Variants in PDE8B observed in about 807,000 individuals in gnomAD.
The protein encoded by PDE8B is high affinity cAMP-specific and IBMX-insensitive 3',5'-cyclic phosphodiesterase 8B.
Under a neutral mutation model 101.3 loss-of-function variants are expected in PDE8B, and 26 were observed. The observed-to-expected ratio is 0.26, with a 90% CI of 0.19 to 0.36. PDE8B has a LOEUF of 0.36. Ranked by LOEUF, PDE8B falls within the 10% of genes least tolerant of loss-of-function variation. PDE8B has a pLI of 1.00. For synonymous variants in PDE8B, 424 were observed against 429.3 expected, an observed-to-expected ratio of 0.99 and a Z score of 0.15; for missense variants, 810 against 1,163.1, an observed-to-expected ratio of 0.70 and a Z score of 4.42.
chr5:77,425,619 CG>C (rs1581658226), intron 20 of PDE8B, 147 bp from the exon 21 acceptor site: 1 of 775,628 alleles, frequency 1.3e-6, no homozygotes, highest in South Asian at 1.4e-5. Flanking sequence ...AGCTGACTTA[CG>C]TAAGTCTGAG....
chr5:77,411,773 G>T lies in PDE8B; in HGVS notation c.1576+52G>T, dbSNP rs770980218. On this transcript the variant is annotated intron_variant, in intron 15 of 21. Transcript: ENST00000264917. ...GTGTAACCTGTCTCCAGCCTGTGCT[G>T]TCCCCGCTGTTGCGATTATTGTTCT... 3 of 1,350,016 alleles carry T rather than the reference G, an allele frequency of 2.2e-6. No homozygotes were observed. The African/African-American group carries it at 4.3e-5, about 19-fold the overall frequency. The allele number at this position is 1,350,016 out of a possible 1,614,324, so 83.6% of individuals were successfully genotyped here.
At chr5:77,088,120 G>T in the PDE8B span, 1 of 152,270 alleles carries the variant, frequency 6.6e-6, no homozygotes, top group Non-Finnish European at 1.5e-5. Flanking sequence ...CCCTTTGCAG[G>T]ACGTGCAACA....
chr5:77,096,109 A>C, the PDE8B span, among the ~76,000 whole-genome samples: 35,221 of 151,582 alleles, frequency 0.23, 4,647 homozygotes, highest in Admixed American at 0.35. Flanking sequence ...CCCACCTCAG[A>C]CTCCCCAGTA....
chr5:77,263,559 C>T (rs1016947342), intron 1 of PDE8B, among the ~76,000 whole-genome samples: 11 of 152,116 alleles, frequency 7.2e-5, no homozygotes, highest in Non-Finnish European at 1.2e-4. Flanking sequence ...TTTCCTTCCC[C>T]TACCCATCAA....
rs372198477 is a variant in PDE8B, at chr5:77,419,879, G to A, written c.2242G>A (p.Ala748Thr). Residue 748 changes from alanine (A) to threonine (T), a missense_variant, in exon 19 of 22, where the codon GCA becomes ACA. Around this residue, in one of 4 missense-constraint regions of PDE8B, gnomAD observed 325 missense variants for 560.9 expected, o/e 0.58. Coordinates refer to ENST00000264917, the MANE Select transcript of PDE8B (RefSeq NM_003719.5). ...KFVNSINKPM[A>T]AEIEGSDCEC... The stretch of plus-strand genomic sequence containing the variant: ...TGTGAACAGCATCAACAAGCCAATG[G>A]CAGCTGAGGTGAGTACTGCTTTCCA... 5 of 1,614,046 alleles carry A rather than the reference G, an allele frequency of 3.1e-6. No homozygotes were observed. The highest frequency in any genetic ancestry group is 4.2e-6 in the Non-Finnish European group (5 of 1,179,930).
intron 1 of PDE8B, among the ~76,000 whole-genome samples, chr5:77,226,198 A>G (rs1383741532): frequency 4.6e-5 from 7 of 150,824 alleles, no homozygotes; most frequent in Non-Finnish European, 7.4e-5. Flanking sequence ...AACGTAAAAT[A>G]TGGTATATTC....
intron 4 of PDE8B, among the ~76,000 whole-genome samples, chr5:77,331,183 A>G (rs1320540607): frequency 6.6e-6 from 1 of 152,182 alleles, no homozygotes; most frequent in Non-Finnish European, 1.5e-5. Context: ...CTCCAGGTAC[A>G]CTGCTGGAGC....
upstream of PDE8B, among the ~76,000 whole-genome samples, chr5:77,208,758 G>A (rs1747714104): frequency 6.6e-6 from 1 of 152,146 alleles, no homozygotes; most frequent in Non-Finnish European, 1.5e-5. Flanking sequence ...CATCTCCTAG[G>A]GGCAGTGCCT....
the PDE8B span, chr5:77,086,842 T>C: frequency 8.9e-4 from 135 of 152,446 alleles, no homozygotes; most frequent in African/African-American, 3.1e-3. Flanking sequence ...AATTTCCACA[T>C]TCCGAACAAG....
At chr5:77,417,799 C>T (rs1795872758) in intron 17 of PDE8B, among the ~76,000 whole-genome samples, 1 of 152,156 alleles carries the variant, frequency 6.6e-6, no homozygotes, top group African/African-American at 2.4e-5. Context: ...CAGCTCTAGT[C>T]ATTTCACCAT....
the PDE8B span, among the ~76,000 whole-genome samples, chr5:77,189,995 G>A: frequency 6.6e-6 from 1 of 152,230 alleles, no homozygotes; most frequent in Non-Finnish European, 1.5e-5. Context: ...AATATGGAGG[G>A]AGAAAAGATC....
intron 1 of PDE8B, among the ~76,000 whole-genome samples, chr5:77,284,840 A>G (rs1246468748): frequency 6.6e-6 from 1 of 152,216 alleles, no homozygotes; most frequent in South Asian, 2.1e-4. Context: ...GTAGTCTTCC[A>G]TTATGTGATT....
chr5:77,378,009 TACACAC>T (rs3031820), intron 10 of PDE8B, among the ~76,000 whole-genome samples: 1,573 of 134,466 alleles, frequency 0.012, 16 homozygotes, highest in Middle Eastern at 0.034. Flanking sequence ...CCTCTCTCTC[TACACAC>T]ACACACACAC....
chr5:77,368,554 G>A lies in PDE8B; in HGVS notation c.1167+15148G>A, dbSNP rs115356508. On this transcript the variant is annotated intron_variant, in intron 10 of 21. Coordinates refer to ENST00000264917, the MANE Select transcript of PDE8B (RefSeq NM_003719.5). ...GAGCCCTGCTGCACTTGCTGGCTGC[G>A]TCACACAGCCCAGCACTCAGCCAAG... is the stretch of plus-strand genomic sequence containing the variant. Among the ~76,000 whole-genome samples the A allele has an allele frequency of 6.0e-3, 906 of 152,244 alleles. 5 individuals carry two copies. The highest frequency in any genetic ancestry group is 0.011 in the Non-Finnish European group (725 of 68,018).
chr5:77,133,019 T>A, the PDE8B span, among the ~76,000 whole-genome samples: 1 of 152,232 alleles, frequency 6.6e-6, no homozygotes, highest in Admixed American at 6.5e-5. Context: ...ATCCTTTGTA[T>A]CTGATGACTT....
chr5:77,408,490 C>T (rs1793934878), intron 13 of PDE8B, among the ~76,000 whole-genome samples: 1 of 152,110 alleles, frequency 6.6e-6, no homozygotes, highest in African/African-American at 2.4e-5. Context: ...ATTGAATGTA[C>T]AAGCCTGGAG....
At chr5:77,405,959 CCTT>C (rs1793345469) in intron 12 of PDE8B, among the ~76,000 whole-genome samples, 2 of 152,152 alleles carry the variant, frequency 1.3e-5, no homozygotes, top group Admixed American at 1.3e-4. Flanking sequence ...ACTTTCCAGT[CCTT>C]CTGTACACAG....
the PDE8B span, among the ~76,000 whole-genome samples, chr5:77,170,370 C>T: frequency 6.6e-6 from 1 of 152,126 alleles, no homozygotes; most frequent in Non-Finnish European, 1.5e-5. Flanking sequence ...TCACTGGGAG[C>T]TGGACACGTA....
At chr5:77,139,661 T>A in the PDE8B span, 3 of 152,238 alleles carry the variant, frequency 2.0e-5, no homozygotes, top group Admixed American at 1.3e-4. Context: ...CATTTTTACT[T>A]CCGTGTTACA....
Sources: allele counts gnomAD v4.1 joint callset (sites outside exome capture counted in the v4.1 genomes callset), GRCh38; gene constraint gnomAD v4.1.1; regional missense constraint gnomAD v4.1.1; transcripts MANE v1.5; gene names NCBI Gene and HGNC (gene_info 2026-07-23, HGNC 2026-07-21).